The following MAP4K4 variants were observed in gnomAD, a reference collection of about 807,000 sequenced individuals.
MAP4K4 encodes the protein HPK/GCK-like kinase HGK.
In MAP4K4, 38 loss-of-function variants were observed where a neutral mutation model predicts 189.6. That is an observed-to-expected ratio of 0.20 (90% CI 0.15 to 0.26). The LOEUF (loss-of-function observed/expected upper bound fraction) is 0.26. Ranked by LOEUF, MAP4K4 falls within the 10% of genes least tolerant of loss-of-function variation. The pLI is 1.00. For missense variants in MAP4K4, 1,054 were observed against 1,726.9 expected, an observed-to-expected ratio of 0.61 and a Z score of 6.91; for synonymous variants, 610 against 624.3, an observed-to-expected ratio of 0.98 and a Z score of 0.34.
chr2:101,838,271 C>T (rs1179379721), intron 9 of MAP4K4, among the ~76,000 whole-genome samples: 4 of 152,210 alleles, frequency 2.6e-5, no homozygotes, highest in Non-Finnish European at 5.9e-5. Context: ...CTTCAATAAA[C>T]TCCCCAAAAT....
In MAP4K4 at chr2:101,800,924, C is replaced by G. The variant is rs1232710633; in HGVS notation, c.180+10148C>G. Reference sequence around the variant, plus strand: ...CAAGCAGATTGAATATCCACAGTTTCTTAGTTTAATTTCATCATTTTGTGA... The same window carrying G: ...CAAGCAGATTGAATATCCACAGTTTGTTAGTTTAATTTCATCATTTTGTGA... On this transcript the variant is annotated intron_variant, in intron 3 of 32. Coordinates refer to ENST00000324219, the Ensembl canonical transcript of MAP4K4. Among the ~76,000 whole-genome samples the G allele has an allele frequency of 5.3e-5, 8 of 152,244 alleles. No homozygotes were observed. In the East Asian group the frequency reaches 7.7e-4, roughly 15 times the overall value.
intron 29 of MAP4K4, among the ~76,000 whole-genome samples, 170 bp from the exon 30 acceptor site, chr2:101,886,918 G>T (rs908919516): frequency 6.6e-6 from 1 of 151,948 alleles, no homozygotes; most frequent in East Asian, 1.9e-4. Context: ...CCAGCTACTC[G>T]GGAGGCTGAG....
rs543333286 is a variant in MAP4K4, at chr2:101,719,317, T to G, written c.123+20779T>G. ...ATGATTCTCAAATTCCATTTCAGTT[T>G]GTAGTACATTTCCTGAACAAAAGTA... On this transcript the variant is annotated intron_variant, in intron 2 of 32. Transcript: ENST00000324219. Among the ~76,000 whole-genome samples, 289 of 152,308 alleles carry G rather than the reference T, an allele frequency of 1.9e-3. 1 individual carries two copies. The highest frequency in any genetic ancestry group is 3.6e-3 in the Non-Finnish European group (247 of 68,026).
intron 16 of MAP4K4, among the ~76,000 whole-genome samples, chr2:101,863,461 C>T (rs566769474): frequency 1.3e-5 from 2 of 152,250 alleles, no homozygotes; most frequent in East Asian, 3.9e-4. Flanking sequence ...CTCTGCCTTT[C>T]CAGTCTCTGC....
intron 2 of MAP4K4, among the ~76,000 whole-genome samples, chr2:101,770,319 G>T (rs1209472632): frequency 7.0e-6 from 1 of 143,822 alleles, no homozygotes; most frequent in Non-Finnish European, 1.5e-5. Context: ...CACGATCTTG[G>T]CTCACTGCAG....
intron 3 of MAP4K4, among the ~76,000 whole-genome samples, chr2:101,804,951 G>A (rs1276293770): frequency 1.3e-5 from 2 of 151,680 alleles, no homozygotes; most frequent in South Asian, 2.1e-4. Flanking sequence ...GCACGTGACT[G>A]TAATCCCAGC....
chr2:101,882,312 C>T (rs975720939), intron 27 of MAP4K4, among the ~76,000 whole-genome samples: 4 of 152,182 alleles, frequency 2.6e-5, no homozygotes, highest in South Asian at 2.1e-4. Context: ...TATAGTGGCA[C>T]GTCCAGTTTT....
At chr2:101,815,857 C>T (rs138124617) in intron 3 of MAP4K4, among the ~76,000 whole-genome samples, 11 of 152,104 alleles carry the variant, frequency 7.2e-5, no homozygotes, top group East Asian at 3.9e-4. Flanking sequence ...GGTAGTATTC[C>T]GAGGAATCCT....
At chr2:101,753,942 G>C (rs1320101336) in intron 2 of MAP4K4, among the ~76,000 whole-genome samples, 2 of 152,094 alleles carry the variant, frequency 1.3e-5, no homozygotes, top group African/African-American at 4.8e-5. Context: ...TGTCCAGAAG[G>C]GTGGACAGCT....
At chr2:101,779,809 C>CTTTT (rs34853403) in intron 2 of MAP4K4, among the ~76,000 whole-genome samples, 1 of 143,732 alleles carries the variant, frequency 7.0e-6, no homozygotes, top group Admixed American at 7.0e-5. Flanking sequence ...TTTCACCTCT[C>CTTTT]TTTTTTTTTT....
chr2:101,822,521 C>T (rs756247340), intron 3 of MAP4K4, among the ~76,000 whole-genome samples: 14 of 152,082 alleles, frequency 9.2e-5, no homozygotes, highest in African/African-American at 1.4e-4. Flanking sequence ...AACTGAAGTT[C>T]GTATTTTAAA....
intron 3 of MAP4K4, among the ~76,000 whole-genome samples, chr2:101,791,031 C>T (rs1223753090): frequency 6.6e-6 from 1 of 152,040 alleles, no homozygotes; most frequent in Admixed American, 6.6e-5. Flanking sequence ...TCATCCTTGG[C>T]AACGTAATGG....
intron 3 of MAP4K4, among the ~76,000 whole-genome samples, chr2:101,793,588 T>TA (rs2093296349): frequency 1.3e-5 from 2 of 151,068 alleles, no homozygotes; most frequent in African/African-American, 2.4e-5. Flanking sequence ...TTTTTTTTTT[T>TA]ACCTCCACTT....
chr2:101,831,934 C>A, intron 7 of MAP4K4, 83 bp downstream of exon 7: 1 of 1,468,804 alleles, frequency 6.8e-7, no homozygotes, highest in East Asian at 2.4e-5. Context: ...ATTGCACACC[C>A]CTTGTCTGCC....
At chr2:101,708,870 C>T (rs183926870) in intron 2 of MAP4K4, among the ~76,000 whole-genome samples, 65 of 152,206 alleles carry the variant, frequency 4.3e-4, no homozygotes, top group African/African-American at 1.4e-3. Context: ...AACGTATGGT[C>T]GCCTGTGTTT....
At chr2:101,884,441 A>AAT (rs1178053701) in intron 28 of MAP4K4, among the ~76,000 whole-genome samples, 1 of 152,214 alleles carries the variant, frequency 6.6e-6, no homozygotes, top group East Asian at 1.9e-4. Flanking sequence ...AAACAGTGGT[A>AAT]ATATATAGAG....
intron 2 of MAP4K4, among the ~76,000 whole-genome samples, chr2:101,698,888 A>G (rs2036379633): frequency 6.6e-6 from 1 of 152,200 alleles, no homozygotes; most frequent in East Asian, 1.9e-4. Context: ...ATTGAAATAC[A>G]GTGGAGGCGG....
intron 2 of MAP4K4, among the ~76,000 whole-genome samples, chr2:101,740,979 T>A (rs1459997705): frequency 2.0e-5 from 3 of 152,144 alleles, no homozygotes; most frequent in Non-Finnish European, 4.4e-5. Context: ...CTCTCATTGC[T>A]ACAAATGATG....
At chr2:101,759,849 C>CTT (rs2075400233) in intron 2 of MAP4K4, among the ~76,000 whole-genome samples, 1 of 145,828 alleles carries the variant, frequency 6.9e-6, no homozygotes, top group Non-Finnish European at 1.5e-5. Context: ...CCTTTCCATC[C>CTT]GTCTCCTCTG....
Sources: allele counts gnomAD v4.1 joint callset (sites outside exome capture counted in the v4.1 genomes callset), GRCh38; gene constraint gnomAD v4.1.1; transcripts MANE v1.5; gene names NCBI Gene and HGNC (gene_info 2026-07-23, HGNC 2026-07-21).